VAV3: variants seen among roughly 807,000 people sequenced by gnomAD.
VAV3 encodes the protein guanine nucleotide exchange factor VAV3.
In VAV3, 94 loss-of-function variants were observed where a neutral mutation model predicts 131.2. The observed-to-expected ratio is 0.72, with a 90% CI of 0.61 to 0.85. The LOEUF (loss-of-function observed/expected upper bound fraction) is 0.85, where lower values mean the gene tolerates loss of function less well. Ranked by LOEUF, VAV3 falls within the 40% of genes least tolerant of loss-of-function variation. The pLI, the probability that VAV3 is intolerant of heterozygous loss-of-function variation, is 0.00. For missense variants in VAV3, 939 were observed against 1,002.7 expected (o/e 0.94, Z 0.86); for synonymous variants, 349 against 342.0 (o/e 1.02, Z -0.22).
At chr1:107,837,992 G>A (rs1344197217) in intron 2 of VAV3, among the ~76,000 whole-genome samples, 1 of 151,990 alleles carries the variant, frequency 6.6e-6, no homozygotes, top group African/African-American at 2.4e-5. Context: ...ATAATTCATG[G>A]TCAAGTTCTC....
chr1:107,869,437 C>T (rs1044535021), intron 2 of VAV3, among the ~76,000 whole-genome samples: 8 of 152,084 alleles, frequency 5.3e-5, no homozygotes, highest in African/African-American at 1.9e-4. Context: ...GTGATAATAA[C>T]ATTAACAATA....
intron 24 of VAV3, among the ~76,000 whole-genome samples, chr1:107,600,097 T>C (rs1008838345): frequency 6.6e-6 from 1 of 152,046 alleles, no homozygotes; most frequent in Non-Finnish European, 1.5e-5. Flanking sequence ...GACTGCTCTA[T>C]GGTGAGGTTC....
At chr1:107,640,114 A>G (rs1655231359) in intron 20 of VAV3, among the ~76,000 whole-genome samples, 1 of 152,178 alleles carries the variant, frequency 6.6e-6, no homozygotes, top group African/African-American at 2.4e-5. Flanking sequence ...CCCTCTTGGC[A>G]TTAGTATCTA....
intron 1 of VAV3, among the ~76,000 whole-genome samples, chr1:107,893,987 G>A (rs558394091): frequency 6.6e-6 from 1 of 152,272 alleles, no homozygotes; most frequent in Non-Finnish European, 1.5e-5. Flanking sequence ...CATCGGTTCT[G>A]TAAAGAAAGA....
At chr1:107,857,343 C>T (rs894490110) in intron 2 of VAV3, among the ~76,000 whole-genome samples, 30 of 152,182 alleles carry the variant, frequency 2.0e-4, no homozygotes, top group Admixed American at 6.5e-4. Context: ...AGCTTCCTTG[C>T]TCCTCAGCTT....
At chr1:107,607,157 T>G (rs184076206) in intron 22 of VAV3, among the ~76,000 whole-genome samples, 1 of 152,042 alleles carries the variant, frequency 6.6e-6, no homozygotes, top group East Asian at 1.9e-4. Flanking sequence ...GGTTTCACTA[T>G]GTTCCAGGCT....
At chr1:107,664,695 A>G (rs1657287238) in intron 19 of VAV3, among the ~76,000 whole-genome samples, 1 of 152,122 alleles carries the variant, frequency 6.6e-6, no homozygotes, top group Non-Finnish European at 1.5e-5. Context: ...GTAGATGTGC[A>G]CCCAGACCAT....
At chr1:107,676,942 C>A (rs1053887147) in intron 19 of VAV3, among the ~76,000 whole-genome samples, 1 of 152,124 alleles carries the variant, frequency 6.6e-6, no homozygotes, top group Non-Finnish European at 1.5e-5. Context: ...AGCAAAATTC[C>A]AAGTTCCTCA....
chr1:107,631,852 C>T (rs978845920), intron 20 of VAV3, among the ~76,000 whole-genome samples: 14 of 151,910 alleles, frequency 9.2e-5, no homozygotes, highest in African/African-American at 2.4e-4. Flanking sequence ...GTATATCTGC[C>T]ACATTTTCTT....
chr1:107,869,304 A>G (rs1219369773), intron 2 of VAV3, among the ~76,000 whole-genome samples: 1 of 152,208 alleles, frequency 6.6e-6, no homozygotes, highest in African/African-American at 2.4e-5. Context: ...GCTATACAAC[A>G]TTAGAAAGAA....
At chr1:107,700,205 G>A (rs942777279) in intron 17 of VAV3, among the ~76,000 whole-genome samples, 3 of 152,194 alleles carry the variant, frequency 2.0e-5, no homozygotes, top group African/African-American at 7.2e-5. Flanking sequence ...ATTGAACATT[G>A]TTTCATGGTC....
In VAV3 at chr1:107,772,832, A is replaced by C. The variant is rs112263179; in HGVS notation, c.458T>G (p.Val153Gly). Residue 153 changes from valine (V) to glycine (G), a missense_variant, in exon 5 of 27, where the codon GTG (valine) becomes GGG (glycine). By Grantham distance (109) the Val-to-Gly change is moderately radical. Transcript: ENST00000370056. Reference protein sequence around the residue: ...GLPDLIDETLVEDEEDLYDCV... With the variant: ...GLPDLIDETLGEDEEDLYDCV... ...GTCATAGAGATCTTCTTCATCTTCC[A>C]CAAGGGTTTCACTACAACAAAGGAT... is the stretch of plus-strand genomic sequence containing the variant. 2.5e-6 allele frequency: 4 copies of C among 1,613,436 alleles called. No individual in the cohort carries two copies. Among genetic ancestry groups the C allele is most frequent in the African/African-American group, 2.7e-5 (2 of 75,032 alleles).
chr1:107,611,878 C>T (rs966956840), intron 21 of VAV3, among the ~76,000 whole-genome samples: 4 of 152,110 alleles, frequency 2.6e-5, no homozygotes, highest in African/African-American at 9.7e-5. Context: ...GGGGTCCTAT[C>T]CTTTTCCATC....
At chr1:107,878,635 A>G (rs1670620589) in intron 1 of VAV3, among the ~76,000 whole-genome samples, 1 of 152,190 alleles carries the variant, frequency 6.6e-6, no homozygotes, top group Non-Finnish European at 1.5e-5. Flanking sequence ...AAAGTACTTC[A>G]TACTGTGAAC....
At chr1:107,741,779 T>C (rs558494667) in intron 15 of VAV3, among the ~76,000 whole-genome samples, 1 of 152,270 alleles carries the variant, frequency 6.6e-6, no homozygotes, top group African/African-American at 2.4e-5. Context: ...TCTGTCTACA[T>C]CTCCAAGGAG....
At chr1:107,855,165 A>G (rs1669411026) in intron 2 of VAV3, among the ~76,000 whole-genome samples, 1 of 152,232 alleles carries the variant, frequency 6.6e-6, no homozygotes, top group Non-Finnish European at 1.5e-5. Context: ...AGGCTTGGAA[A>G]TATAATCTGC....
At chr1:107,596,107 C>A in intron 25 of VAV3, 105 bp downstream of exon 25, 2 of 1,441,818 alleles carry the variant, frequency 1.4e-6, no homozygotes, top group Non-Finnish European at 1.9e-6. Flanking sequence ...CATGCATTAG[C>A]GCATCCATTG....
chr1:107,945,501 C>T (rs896242459), intron 1 of VAV3, among the ~76,000 whole-genome samples: 2 of 152,132 alleles, frequency 1.3e-5, no homozygotes, highest in Non-Finnish European at 2.9e-5. Context: ...TAAGTGGCCC[C>T]TGCCATCGTG....
At chr1:107,610,020 A>T in intron 21 of VAV3, 55 bp from the exon 22 acceptor site, 1 of 1,548,432 alleles carries the variant, frequency 6.5e-7, no homozygotes, top group Non-Finnish European at 8.9e-7. Flanking sequence ...AGCTTTTAGA[A>T]ATCAATCATT....
Sources: allele counts gnomAD v4.1 joint callset (sites outside exome capture counted in the v4.1 genomes callset), GRCh38; gene constraint gnomAD v4.1.1; transcripts MANE v1.5; gene names NCBI Gene and HGNC (gene_info 2026-07-23, HGNC 2026-07-21).